Variants in HOOK3 observed in about 807,000 individuals in gnomAD.
HOOK3 encodes hook microtubule tethering protein 3.
Under a neutral mutation model 116.3 loss-of-function variants are expected in HOOK3, and 24 were observed. The observed-to-expected ratio is 0.21, with a 90% CI of 0.15 to 0.29. HOOK3 has a LOEUF of 0.29. Among genes scored for constraint, HOOK3 ranks in the 10% least tolerant of loss-of-function variants. The pLI, the probability that HOOK3 is intolerant of heterozygous loss-of-function variation, is 1.00. For synonymous variants in HOOK3, 275 were observed against 283.0 expected, an observed-to-expected ratio of 0.97 and a Z score of 0.28; for missense variants, 632 against 830.2, an observed-to-expected ratio of 0.76 and a Z score of 2.93.
intron 4 of HOOK3, among the ~76,000 whole-genome samples, chr8:42,931,753 C>T (rs756864738): frequency 5.1e-4 from 77 of 151,064 alleles, no homozygotes; most frequent in Non-Finnish European, 9.7e-4. Flanking sequence ...CTTCCCTCTT[C>T]CCATCCCGTC....
intron 14 of HOOK3, among the ~76,000 whole-genome samples, chr8:42,983,433 T>C (rs117411156): frequency 0.016 from 2,494 of 152,228 alleles, 31 homozygotes; most frequent in Non-Finnish European, 0.022. Flanking sequence ...ATCTTAACTA[T>C]TCTTCCCTCA....
At chr8:42,961,914 G>T (rs773307943) in intron 8 of HOOK3, among the ~76,000 whole-genome samples, 17 of 151,958 alleles carry the variant, frequency 1.1e-4, no homozygotes, top group Non-Finnish European at 2.5e-4. Context: ...ATCCTCCCGA[G>T]TAGCAGGGAC....
chr8:42,946,818 G>A (rs1261030037), intron 5 of HOOK3, among the ~76,000 whole-genome samples: 3 of 139,998 alleles, frequency 2.1e-5, no homozygotes, highest in Non-Finnish European at 3.0e-5. Context: ...ACCCAGGCTG[G>A]AGTCCAGTGG....
intron 5 of HOOK3, among the ~76,000 whole-genome samples, chr8:42,947,440 G>A (rs1808250840): frequency 6.6e-6 from 1 of 152,160 alleles, no homozygotes; most frequent in African/African-American, 2.4e-5. Flanking sequence ...AAAAGACAAA[G>A]ATGTTACCTA....
chr8:42,998,706 G>A (rs554424865), intron 16 of HOOK3, among the ~76,000 whole-genome samples: 4 of 151,806 alleles, frequency 2.6e-5, no homozygotes, highest in Admixed American at 6.6e-5. Flanking sequence ...TCTAACATGG[G>A]TGATGTTAGC....
intron 17 of HOOK3, among the ~76,000 whole-genome samples, chr8:43,004,048 A>G (rs1809426674): frequency 1.3e-5 from 2 of 152,192 alleles, no homozygotes; most frequent in African/African-American, 4.8e-5. Flanking sequence ...AGATATCTCC[A>G]AATATGGCCA....
At position 42,968,195 on chromosome 8, in the gene HOOK3, T is replaced by C; in HGVS notation, c.1103T>C (p.Leu368Pro). 2 of 1,613,422 alleles carry C rather than the reference T, an allele frequency of 1.2e-6. No individual in the cohort carries two copies. Among genetic ancestry groups the C allele is most frequent in the Non-Finnish European group, 1.7e-6 (2 of 1,179,614 alleles). ...AAGGCCAACGCAGCGCGAAGTCAAC[T>C]TGAAACCTACAAGAGACAGGTAAAA... ...LRKANAARSQLETYKRQVVEL... is the reference protein window; with the variant it reads ...LRKANAARSQPETYKRQVVEL... The change falls in exon 11 of 22, where the codon CTT (leucine) becomes CCT (proline). Residue 368 changes from leucine to proline, a missense_variant. By Grantham distance (98) the Leu-to-Pro change is moderately conservative. Around this residue, in one of 3 missense-constraint regions of HOOK3, gnomAD observed 483 missense variants for 648.1 expected, o/e 0.75. Transcript: ENST00000307602.
rs1809966463 is a variant in HOOK3 at position 43,028,085 on chromosome 8, A to G, written c.*9587A>G. On this transcript the variant is annotated 3_prime_UTR_variant, in exon 22 of 22. Coordinates refer to ENST00000307602, the MANE Select transcript of HOOK3 (RefSeq NM_032410.4). ...TCCTTTAAGCTAGTCTTCAGTATAT[A>G]TTTTTCTAAGAACAGATTCTCAATA... The G allele has an allele frequency of 5.3e-6, 1 of 189,524 alleles. No individual in the cohort carries two copies. 11.7% of individuals were successfully genotyped at this position (189,524 alleles called of 1,614,324 possible).
chr8:42,902,201 A>G (rs1331271445), intron 1 of HOOK3, among the ~76,000 whole-genome samples: 1 of 152,158 alleles, frequency 6.6e-6, no homozygotes, highest in Admixed American at 6.5e-5. Context: ...TGTTAAAAAT[A>G]GATCCCCAGC....
intron 4 of HOOK3, among the ~76,000 whole-genome samples, chr8:42,940,927 T>C (rs1032027140): frequency 1.1e-4 from 16 of 144,726 alleles, no homozygotes; most frequent in African/African-American, 4.0e-4. Context: ...GTTTATTTTA[T>C]TTATTTATTT....
At chr8:42,957,589 A>T (rs914774620) in intron 7 of HOOK3, among the ~76,000 whole-genome samples, 1 of 152,184 alleles carries the variant, frequency 6.6e-6, no homozygotes, top group African/African-American at 2.4e-5. Context: ...GGAAAATGAC[A>T]TGTCAAATTC....
chr8:42,968,254 G>T (rs768551140), intron 11 of HOOK3, 40 bp downstream of exon 11: 20 of 1,446,300 alleles, frequency 1.4e-5, no homozygotes, highest in Non-Finnish European at 1.7e-5. Context: ...TTTCAGGCAA[G>T]CTCTCAGTTA....
chr8:42,943,106 A>G lies in HOOK3; in HGVS notation c.268-207A>G, dbSNP rs148230296. ...GTTTTTTTTGCTCGATGTACATGCCACATACCAGAGTAGGGACTAAGTTGC... is the reference window on the plus strand; with the variant it reads ...GTTTTTTTTGCTCGATGTACATGCCGCATACCAGAGTAGGGACTAAGTTGC... On this transcript the variant is annotated intron_variant, in intron 4 of 21. Coordinates refer to ENST00000307602, the MANE Select transcript of HOOK3 (RefSeq NM_032410.4). Among the ~76,000 whole-genome samples, 347 of 151,992 alleles carry G rather than the reference A, an allele frequency of 2.3e-3. 8 individuals carry two copies. The East Asian group carries it at 0.048, about 21-fold the overall frequency.
intron 21 of HOOK3, 47 bp from the exon 22 acceptor site, chr8:43,018,311 G>A (rs772629028): frequency 4.1e-5 from 63 of 1,523,232 alleles, no homozygotes; most frequent in Non-Finnish European, 5.5e-5. Flanking sequence ...TGTGAAGTAT[G>A]TTCCACTATT....
intron 17 of HOOK3, among the ~76,000 whole-genome samples, chr8:43,005,093 C>G (rs553748057): frequency 1.3e-5 from 2 of 151,198 alleles, no homozygotes; most frequent in East Asian, 3.9e-4. Flanking sequence ...ACAGATGAAC[C>G]TCAAGAACAT....
At chr8:42,946,212 A>G (rs1808222231) in intron 5 of HOOK3, among the ~76,000 whole-genome samples, 2 of 152,186 alleles carry the variant, frequency 1.3e-5, no homozygotes, top group African/African-American at 4.8e-5. Context: ...AAATAATGCC[A>G]CAGATACCCG....
At chr8:42,915,707 C>A (rs921340617) in intron 2 of HOOK3, among the ~76,000 whole-genome samples, 2 of 152,170 alleles carry the variant, frequency 1.3e-5, no homozygotes, top group African/African-American at 4.8e-5. Context: ...GCTGGGATTA[C>A]AGGCATGAGC....
intron 4 of HOOK3, among the ~76,000 whole-genome samples, chr8:42,939,571 G>T (rs564808220): frequency 9.9e-4 from 142 of 143,808 alleles, no homozygotes; most frequent in African/African-American, 3.3e-3. Context: ...CGAGCGGGGG[G>T]CTGACCCCCC....
At position 42,906,185 on chromosome 8, in the gene HOOK3, A is replaced by T. The variant is rs749087990; in HGVS notation, c.70A>T (p.Asn24Tyr). The T allele has an allele frequency of 2.7e-6, 3 of 1,117,814 alleles. No homozygotes were observed. Among genetic ancestry groups the T allele is most frequent in the South Asian group, 2.4e-5 (2 of 82,200 alleles). 69.2% of individuals were successfully genotyped at this position (1,117,814 alleles called of 1,614,324 possible). Residue 24 changes from asparagine to tyrosine, a missense_variant, in exon 2 of 22, where the codon AAT (asparagine) becomes TAT (tyrosine). Asn to Tyr is a moderately radical substitution (Grantham distance 143, BLOSUM62 -2). This residue lies in a region of HOOK3 where 141 missense variants were observed against 150.8 expected (regional missense o/e 0.93). Transcript: ENST00000307602. Reference sequence around the variant, plus strand: ...TTTTTCCCTTCAGATCCAGACATTTAATGTGGATGCACCATGCCAGACCGT... The same window carrying T: ...TTTTTCCCTTCAGATCCAGACATTTTATGTGGATGCACCATGCCAGACCGT... ...ESLLTWIQTFNVDAPCQTVED... is the reference protein window; with the variant it reads ...ESLLTWIQTFYVDAPCQTVED...
Sources: gnomAD v4.1 joint callset for allele counts (sites outside exome capture counted in the v4.1 genomes callset) on GRCh38, gnomAD v4.1.1 for gene constraint, gnomAD v4.1.1 regional missense constraint, MANE v1.5 for transcripts, NCBI Gene and HGNC (gene_info 2026-07-23, HGNC 2026-07-21) for gene names.